The following ENTHD1 variants were observed in gnomAD, a reference collection of about 807,000 sequenced individuals.
ENTHD1 encodes ENTH domain-containing protein 1.
A neutral mutation model predicts 39.1 loss-of-function variants in ENTHD1; 23 were observed. The observed-to-expected ratio is 0.59, with a 90% CI of 0.42 to 0.83. The LOEUF is 0.83. Among genes scored for constraint, ENTHD1 ranks in the 40% least tolerant of loss-of-function variants. The pLI, the probability that ENTHD1 is intolerant of heterozygous loss-of-function variation, is 0.00. For missense variants in ENTHD1, 624 were observed against 705.4 expected (o/e 0.88, Z 1.31); for synonymous variants, 230 against 258.2 (o/e 0.89, Z 1.05).
intron 5 of ENTHD1, among the ~76,000 whole-genome samples, chr22:39,811,811 C>G (rs915139657): frequency 1.3e-5 from 2 of 151,906 alleles, no homozygotes. Context: ...AACCCCGTCT[C>G]TACTAAAAAT....
intron 5 of ENTHD1, among the ~76,000 whole-genome samples, chr22:39,811,367 C>G (rs151329644): frequency 1.3e-5 from 2 of 152,190 alleles, no homozygotes; most frequent in African/African-American, 4.8e-5. Flanking sequence ...GATCATATAA[C>G]TTAGCAGAAC....
At chr22:39,879,379 T>C (rs1476144734) in intron 2 of ENTHD1, among the ~76,000 whole-genome samples, 1 of 132,874 alleles carries the variant, frequency 7.5e-6, no homozygotes, top group East Asian at 2.2e-4. Context: ...AGGAGAATGG[T>C]GGGAACCCAG....
chr22:39,787,259 A>G (rs916981178), intron 5 of ENTHD1, among the ~76,000 whole-genome samples: 1 of 151,998 alleles, frequency 6.6e-6, no homozygotes, highest in African/African-American at 2.4e-5. Context: ...GCCATCCCTC[A>G]TCTCTCTCTC....
At chr22:39,806,010 T>C (rs560972414) in intron 5 of ENTHD1, among the ~76,000 whole-genome samples, 1 of 152,300 alleles carries the variant, frequency 6.6e-6, no homozygotes, top group African/African-American at 2.4e-5. Context: ...GTCTGCTCTC[T>C]GCCCTCTAGC....
At position 39,744,017 on chromosome 22, in the gene ENTHD1, T is replaced by C. The variant is rs751594535; in HGVS notation, c.1486A>G (p.Asn496Asp). Residue 496 changes from asparagine (N) to aspartate (D), a missense_variant, in exon 7 of 7, where the codon AAT becomes GAT. By Grantham distance (23) the Asn-to-Asp change is conservative. Coordinates refer to ENST00000325157, the MANE Select transcript of ENTHD1 (RefSeq NM_152512.4). Reference sequence around the variant, plus strand: ...TTCTTTTTAGCAGAATCAGAGTTATTTGGAAGAATTCCCAGTAGATTGAGG... The same window carrying C: ...TTCTTTTTAGCAGAATCAGAGTTATCTGGAAGAATTCCCAGTAGATTGAGG... ...DSLNLLGILP[N>D]NSDSAKKNIS... 1.9e-6 allele frequency: 3 copies of C among 1,614,044 alleles called. No homozygotes were observed. The highest frequency in any genetic ancestry group is 1.7e-6 in the Non-Finnish European group (2 of 1,180,010).
At chr22:39,812,908 G>A (rs1367868134) in intron 5 of ENTHD1, among the ~76,000 whole-genome samples, 12 of 152,042 alleles carry the variant, frequency 7.9e-5, no homozygotes, top group South Asian at 4.2e-4. Context: ...TCAGTCTCCC[G>A]AGTACCTGGG....
intron 2 of ENTHD1, among the ~76,000 whole-genome samples, chr22:39,876,445 C>A (rs867796730): frequency 1.3e-5 from 2 of 151,254 alleles, no homozygotes; most frequent in South Asian, 4.2e-4. Context: ...ATATTTGCTT[C>A]CTGCTTTGCG....
intron 3 of ENTHD1, among the ~76,000 whole-genome samples, chr22:39,857,598 T>A (rs2146717503): frequency 6.6e-6 from 1 of 152,218 alleles, no homozygotes; most frequent in South Asian, 2.1e-4. Context: ...CCAAGTTTGC[T>A]CCAGTTTCAG....
chr22:39,795,758 TACTC>T (rs2065543807), intron 5 of ENTHD1, among the ~76,000 whole-genome samples: 1 of 152,118 alleles, frequency 6.6e-6, no homozygotes, highest in Non-Finnish European at 1.5e-5. Flanking sequence ...TCAATATTGT[TACTC>T]ACTATCAGTT....
At chr22:39,754,119 T>A (rs2065167292) in intron 6 of ENTHD1, among the ~76,000 whole-genome samples, 1 of 152,228 alleles carries the variant, frequency 6.6e-6, no homozygotes, top group South Asian at 2.1e-4. Flanking sequence ...TTTTGGGCTT[T>A]GTGGGACATA....
chr22:39,891,862 C>T (rs950349505), intron 1 of ENTHD1, among the ~76,000 whole-genome samples: 4 of 152,072 alleles, frequency 2.6e-5, no homozygotes, highest in Non-Finnish European at 5.9e-5. Context: ...TCAAGTGATC[C>T]GCCTGCCTCG....
chr22:39,820,857 A>T, intron 5 of ENTHD1, 136 bp downstream of exon 5: 3 of 840,128 alleles, frequency 3.6e-6, no homozygotes, highest in Non-Finnish European at 5.3e-6. Context: ...AAACAAGATT[A>T]TAGGACCATG....
chr22:39,840,660 G>C (rs1214766671), intron 3 of ENTHD1, among the ~76,000 whole-genome samples: 1 of 152,178 alleles, frequency 6.6e-6, no homozygotes, highest in Non-Finnish European at 1.5e-5. Context: ...AGATCTAAAA[G>C]TCAAGTCTCA....
chr22:39,876,110 G>A, intron 2 of ENTHD1: 5 of 1,598,592 alleles, frequency 3.1e-6, no homozygotes, highest in Non-Finnish European at 4.3e-6. Context: ...GGTGATTGTT[G>A]GTTAGAGACT....
chr22:39,766,747 G>A (rs1217837355), intron 5 of ENTHD1, among the ~76,000 whole-genome samples: 1 of 152,110 alleles, frequency 6.6e-6, no homozygotes, highest in African/African-American at 2.4e-5. Flanking sequence ...ACTTTTCTTT[G>A]TCTCTATAAA....
intron 2 of ENTHD1, among the ~76,000 whole-genome samples, chr22:39,878,846 A>G (rs2066311767): frequency 6.6e-6 from 1 of 152,138 alleles, no homozygotes; most frequent in Admixed American, 6.5e-5. Flanking sequence ...ATGCTTACAC[A>G]TATGCTTATG....
At chr22:39,775,642 G>A (rs2065359935) in intron 5 of ENTHD1, among the ~76,000 whole-genome samples, 1 of 152,138 alleles carries the variant, frequency 6.6e-6, no homozygotes, top group African/African-American at 2.4e-5. Context: ...ATAACGTAAA[G>A]AGACTCGATT....
chr22:39,886,077 G>C (rs986778480), intron 2 of ENTHD1, among the ~76,000 whole-genome samples: 1 of 151,218 alleles, frequency 6.6e-6, no homozygotes, highest in African/African-American at 2.4e-5. Flanking sequence ...TTTAAAAAAA[G>C]GGAAGAAAAA....
chr22:39,790,547 T>C (rs764114723), intron 5 of ENTHD1, among the ~76,000 whole-genome samples: 6 of 152,218 alleles, frequency 3.9e-5, no homozygotes, highest in Admixed American at 2.6e-4. Flanking sequence ...CAAGCCTCTA[T>C]GACAACCATG....
Sources: gnomAD v4.1 joint callset for allele counts (sites outside exome capture counted in the v4.1 genomes callset) on GRCh38, gnomAD v4.1.1 for gene constraint, MANE v1.5 for transcripts, NCBI Gene and HGNC (gene_info 2026-07-23, HGNC 2026-07-21) for gene names.